Variants in DRC8 observed in about 807,000 individuals in gnomAD.
DRC8 encodes the protein dynein regulatory complex protein 8.
At chr1:245,017,104 C>T in the DRC8 span, 1 of 827,420 alleles carries the variant, frequency 1.2e-6, no homozygotes. Flanking sequence ...GGAAGTTAAA[C>T]ATGCTAAATG....
the DRC8 span, among the ~76,000 whole-genome samples, chr1:245,077,608 A>C: frequency 6.6e-6 from 1 of 152,244 alleles, no homozygotes; most frequent in Non-Finnish European, 1.5e-5. Context: ...AAGAGTGCCA[A>C]GAATACACGA....
chr1:245,071,949 AC>A, the DRC8 span, among the ~76,000 whole-genome samples: 3 of 152,250 alleles, frequency 2.0e-5, no homozygotes, highest in African/African-American at 7.2e-5. Context: ...AGCACCGACA[AC>A]AACAAATGCT....
the DRC8 span, among the ~76,000 whole-genome samples, chr1:244,985,773 A>C: frequency 6.6e-6 from 1 of 151,344 alleles, no homozygotes; most frequent in Non-Finnish European, 1.5e-5. Context: ...CGGAGGCATG[A>C]GAATTGCTTG....
At chr1:245,016,031 T>TGGTGCAATGGCGCAATCTCGGCTC in the DRC8 span, among the ~76,000 whole-genome samples, 1 of 133,098 alleles carries the variant, frequency 7.5e-6, no homozygotes, top group South Asian at 2.5e-4. Flanking sequence ...TGGAGTGCAA[T>TGGTGCAATGGCGCAATCTCGGCTC]GGTGCAATGG....
the DRC8 span, among the ~76,000 whole-genome samples, chr1:245,075,998 C>T: frequency 6.6e-6 from 1 of 152,182 alleles, no homozygotes; most frequent in Non-Finnish European, 1.5e-5. Flanking sequence ...TGGGGCGAGG[C>T]AACAAGCGGG....
chr1:244,995,799 A>C, the DRC8 span, among the ~76,000 whole-genome samples: 1 of 152,246 alleles, frequency 6.6e-6, no homozygotes, highest in African/African-American at 2.4e-5. Context: ...GCTATTGCAT[A>C]AAAAGGATCT....
At chr1:245,062,164 C>T in the DRC8 span, among the ~76,000 whole-genome samples, 12 of 152,136 alleles carry the variant, frequency 7.9e-5, no homozygotes, top group Admixed American at 7.9e-4. Context: ...GTAAAATTCT[C>T]TGGTTGTCAT....
chr1:245,088,628 A>C, the DRC8 span, among the ~76,000 whole-genome samples: 1 of 152,348 alleles, frequency 6.6e-6, no homozygotes, highest in Non-Finnish European at 1.5e-5. This position sits in a 1 kb window ranked among gnomAD's most constrained non-coding sequence, Gnocchi z 4.6. Context: ...GGGCATGTTC[A>C]GGGTCCCGTG....
chr1:245,023,549 T>C, the DRC8 span, among the ~76,000 whole-genome samples: 14,547 of 152,284 alleles, frequency 0.096, 912 homozygotes, highest in African/African-American at 0.16. Context: ...TCATTTCTGT[T>C]GGTTTTTTGG....
At chr1:245,112,001 TC>T in the DRC8 span, among the ~76,000 whole-genome samples, 1 of 152,230 alleles carries the variant, frequency 6.6e-6, no homozygotes, top group African/African-American at 2.4e-5. Flanking sequence ...GCCACTGCAC[TC>T]CAGCCTGGGT....
chr1:245,002,699 T>C, the DRC8 span, among the ~76,000 whole-genome samples: 1 of 151,700 alleles, frequency 6.6e-6, no homozygotes, highest in Non-Finnish European at 1.5e-5. Flanking sequence ...TTGTGTTTTT[T>C]TGTAGAGATA....
At chr1:244,988,451 G>A in the DRC8 span, among the ~76,000 whole-genome samples, 1 of 151,752 alleles carries the variant, frequency 6.6e-6, no homozygotes, top group Non-Finnish European at 1.5e-5. Context: ...CTAAAAATAA[G>A]GTAAATAATA....
the DRC8 span, among the ~76,000 whole-genome samples, chr1:245,063,645 A>C: frequency 3.3e-5 from 5 of 152,310 alleles, no homozygotes; most frequent in South Asian, 1.0e-3. Flanking sequence ...TGGGAGGCTG[A>C]GGTGAGAGGA....
At chr1:245,043,777 C>T in the DRC8 span, among the ~76,000 whole-genome samples, 1 of 152,164 alleles carries the variant, frequency 6.6e-6, no homozygotes, top group Non-Finnish European at 1.5e-5. Flanking sequence ...TGACTCTCAG[C>T]GTCAGTGGTG....
At chr1:245,014,792 T>C in the DRC8 span, among the ~76,000 whole-genome samples, 1 of 152,162 alleles carries the variant, frequency 6.6e-6, no homozygotes, top group Non-Finnish European at 1.5e-5. Flanking sequence ...CTTTGGTTTC[T>C]TTTTTTCTCT....
the DRC8 span, among the ~76,000 whole-genome samples, chr1:245,074,840 TTA>T: frequency 6.6e-6 from 1 of 152,258 alleles, no homozygotes; most frequent in African/African-American, 2.4e-5. Context: ...TAAATTGTGT[TTA>T]TGTTTTGGTT....
At chr1:245,054,583 A>C in the DRC8 span, among the ~76,000 whole-genome samples, 2 of 151,494 alleles carry the variant, frequency 1.3e-5, no homozygotes, top group African/African-American at 2.4e-5. Context: ...CTGGATGTTC[A>C]CTTCCCTCTC....
chr1:245,082,002 C>T, the DRC8 span: 1 of 1,171,632 alleles, frequency 8.5e-7, no homozygotes, highest in Non-Finnish European at 1.3e-6. Flanking sequence ...GTCTCTAGCA[C>T]TTGGCACAGT....
chr1:245,116,135 G>A, the DRC8 span, among the ~76,000 whole-genome samples: 58,151 of 151,722 alleles, frequency 0.38, 13,908 homozygotes, highest in East Asian at 0.51. Context: ...TGATCCGCCT[G>A]CCTCAGTCTC....
Sources: gnomAD v4.1 joint callset for allele counts (sites outside exome capture counted in the v4.1 genomes callset) on GRCh38, gnomAD v4.1.1 for gene constraint, Gnocchi (gnomAD v3.1) non-coding constraint, MANE v1.5 for transcripts, NCBI Gene and HGNC (gene_info 2026-07-23, HGNC 2026-07-21) for gene names.